The following NRG1 variants were observed in gnomAD, a reference collection of about 807,000 sequenced individuals.
NRG1 encodes neuregulin 1.
A neutral mutation model predicts 63.8 loss-of-function variants in NRG1; 18 were observed. The observed-to-expected ratio is 0.28, with a 90% CI of 0.19 to 0.42. The LOEUF (loss-of-function observed/expected upper bound fraction) is 0.42, where lower values mean the gene tolerates loss of function less well. Ranked by LOEUF, NRG1 falls within the 10% of genes least tolerant of loss-of-function variation. The probability of loss-of-function intolerance (pLI) is 1.00; values close to 1 mark genes in which losing one functional copy is unlikely to be tolerated. For missense variants in NRG1, 762 were observed against 814.7 expected, an observed-to-expected ratio of 0.94 and a Z score of 0.79; for synonymous variants, 302 against 301.3, an observed-to-expected ratio of 1.00 and a Z score of -0.02.
At chr8:32,224,253 G>T (rs1211013669) in intron 1 of NRG1, among the ~76,000 whole-genome samples, 2 of 152,100 alleles carry the variant, frequency 1.3e-5, no homozygotes, top group Non-Finnish European at 2.9e-5. Context: ...GCTGAATGAG[G>T]CAAGCTCAGG....
intron 5 of NRG1, among the ~76,000 whole-genome samples, chr8:32,696,253 A>T (rs1813270595): frequency 6.6e-6 from 1 of 152,236 alleles, no homozygotes; most frequent in Admixed American, 6.5e-5. Flanking sequence ...ATCATGTTGG[A>T]TAATGTTATG....
chr8:32,149,533 T>C lies in NRG1; in HGVS notation c.38-446295T>C, dbSNP rs74787640. 9.4e-3 allele frequency among the ~76,000 whole-genome samples: 1,437 copies of C among 152,302 alleles called. 66 individuals carry two copies. Among genetic ancestry groups the C allele is most frequent in the East Asian group, 0.085 (438 of 5,172 alleles). ...ACAAATCATTTAATACAAATTTCTC[T>C]GTAGTTTATACAGAGGATTTGTGTT... is the stretch of plus-strand genomic sequence containing the variant. On this transcript the variant is annotated intron_variant, in intron 1 of 10. Transcript: ENST00000519301.
chr8:32,406,847 A>C (rs1046106800), intron 1 of NRG1, among the ~76,000 whole-genome samples: 4 of 152,090 alleles, frequency 2.6e-5, no homozygotes, highest in Admixed American at 2.0e-4. Flanking sequence ...TTTGAAAGGA[A>C]CTCTGGCAGC....
intron 11 of NRG1, among the ~76,000 whole-genome samples, chr8:32,761,348 A>G (rs1054159224): frequency 3.9e-5 from 6 of 152,112 alleles, no homozygotes; most frequent in African/African-American, 1.4e-4. Flanking sequence ...TCAAATCCAT[A>G]CTTATGTGGT....
chr8:32,052,164 T>C (rs1381861), intron 1 of NRG1, among the ~76,000 whole-genome samples: 148,634 of 152,252 alleles, frequency 0.98, 72,653 homozygotes, highest in East Asian at 1. Flanking sequence ...GGAGAGAATC[T>C]CAAAAGGGAT....
intron 1 of NRG1, among the ~76,000 whole-genome samples, chr8:32,407,673 C>A (rs1019572181): frequency 6.6e-6 from 1 of 151,998 alleles, no homozygotes; most frequent in Admixed American, 6.6e-5. Context: ...TACATATGTC[C>A]AACACTGCCA....
intron 5 of NRG1, among the ~76,000 whole-genome samples, chr8:32,679,213 G>T (rs973794863): frequency 1.3e-5 from 2 of 152,122 alleles, no homozygotes; most frequent in African/African-American, 4.8e-5. Context: ...GTATTTTCAT[G>T]CTCATTCTTG....
At chr8:32,198,559 T>G (rs1020164156) in intron 1 of NRG1, among the ~76,000 whole-genome samples, 2 of 152,170 alleles carry the variant, frequency 1.3e-5, no homozygotes, top group African/African-American at 4.8e-5. Flanking sequence ...AAATGACATG[T>G]TTTCATAATG....
intron 5 of NRG1, among the ~76,000 whole-genome samples, chr8:32,713,827 A>G (rs191839000): frequency 1.7e-3 from 247 of 148,492 alleles, no homozygotes; most frequent in African/African-American, 5.4e-3. Flanking sequence ...ATACATATAT[A>G]TATTTCTTTT....
At chr8:31,871,538 A>T (rs796163784) in intron 1 of NRG1, among the ~76,000 whole-genome samples, 7 of 152,150 alleles carry the variant, frequency 4.6e-5, no homozygotes, top group African/African-American at 1.7e-4. Context: ...TCACTCCACC[A>T]TGTGGGTAAG....
intron 1 of NRG1, among the ~76,000 whole-genome samples, chr8:32,355,339 G>T (rs1032805756): frequency 5.3e-5 from 8 of 151,886 alleles, no homozygotes; most frequent in Non-Finnish European, 1.0e-4. Context: ...TGCACCTGTA[G>T]TCCCAACTAC....
At chr8:32,751,082 G>C (rs1040249769) in intron 7 of NRG1, 11 of 152,274 alleles carry the variant, frequency 7.2e-5, no homozygotes, top group African/African-American at 2.6e-4. Context: ...AGACAGTTGA[G>C]ATATATAACT....
intron 1 of NRG1, among the ~76,000 whole-genome samples, chr8:31,810,822 C>T (rs1274085672): frequency 6.6e-6 from 1 of 152,188 alleles, no homozygotes. Context: ...CCAGCATATC[C>T]TCTGAGGGTG....
intron 1 of NRG1, among the ~76,000 whole-genome samples, chr8:31,659,955 C>T (rs1334112948): frequency 6.6e-6 from 1 of 152,062 alleles, no homozygotes; most frequent in Non-Finnish European, 1.5e-5. Flanking sequence ...TGACAATATC[C>T]CCAGAGATTG....
chr8:31,833,127 G>T (rs1394053413), intron 1 of NRG1, among the ~76,000 whole-genome samples: 2 of 152,162 alleles, frequency 1.3e-5, no homozygotes, highest in African/African-American at 4.8e-5. Context: ...GATTGGGAAA[G>T]AAAATTGTTA....
chr8:32,704,483 TAA>T (rs2128967295), intron 5 of NRG1, among the ~76,000 whole-genome samples: 1 of 152,096 alleles, frequency 6.6e-6, no homozygotes, highest in South Asian at 2.1e-4. Flanking sequence ...CATAAGCAAA[TAA>T]AAAACAAGCA....
At chr8:32,204,933 T>C (rs1162439490) in intron 1 of NRG1, among the ~76,000 whole-genome samples, 4 of 152,182 alleles carry the variant, frequency 2.6e-5, no homozygotes, top group African/African-American at 9.6e-5. Flanking sequence ...ACAGCGGTAG[T>C]TCTATTAGGG....
rs867650409 is a variant in NRG1, at chr8:32,495,636, T to C, written c.38-100192T>C. Reference sequence around the variant, plus strand: ...CGCCACCACGCCCAGCTAATTTTTATATTTTTAGTAGAGATGGGGTTTCGC... The same window carrying C: ...CGCCACCACGCCCAGCTAATTTTTACATTTTTAGTAGAGATGGGGTTTCGC... On this transcript the variant is annotated intron_variant, in intron 1 of 10. Coordinates refer to the NRG1 transcript ENST00000519301. Among the ~76,000 whole-genome samples the C allele has an allele frequency of 9.2e-5, 14 of 152,262 alleles. No homozygotes were observed. In the South Asian group the frequency reaches 1.5e-3, roughly 16 times the overall value.
rs532901499 is a variant in NRG1, at chr8:32,357,631, T to G, written c.38-238197T>G. Among the ~76,000 whole-genome samples the G allele has an allele frequency of 2.0e-5, 3 of 152,320 alleles. No homozygotes were observed. In the East Asian group the frequency reaches 5.8e-4, roughly 29 times the overall value. On this transcript the variant is annotated intron_variant, in intron 1 of 10. Transcript: ENST00000519301. ...TGCCCTTCCTTCTCCTCCTCCTTTCTCTAAAGTAGAAAGCCTCTCTTTCCT... is the reference window on the plus strand; with the variant it reads ...TGCCCTTCCTTCTCCTCCTCCTTTCGCTAAAGTAGAAAGCCTCTCTTTCCT...
Sources: gnomAD v4.1 joint callset for allele counts (sites outside exome capture counted in the v4.1 genomes callset) on GRCh38, gnomAD v4.1.1 for gene constraint, MANE v1.5 for transcripts, NCBI Gene and HGNC (gene_info 2026-07-23, HGNC 2026-07-21) for gene names.